Variants in MARCHF4 observed in about 807,000 individuals in gnomAD.
MARCHF4 encodes E3 ubiquitin-protein ligase MARCHF4.
In MARCHF4, 14 loss-of-function variants were observed where a neutral mutation model predicts 43.9. That is an observed-to-expected ratio of 0.32 (90% confidence interval 0.21 to 0.50). The LOEUF (loss-of-function observed/expected upper bound fraction) is 0.50, where lower values mean the gene tolerates loss of function less well. MARCHF4 is among the 20% of genes least tolerant of loss of function. The pLI is 0.98. For missense variants in MARCHF4, 468 were observed against 536.7 expected (o/e 0.87, Z 1.27); for synonymous variants, 226 against 213.3 (o/e 1.06, Z -0.52).
chr2:216,263,803 CAG>C (rs1402638474), intron 3 of MARCHF4, among the ~76,000 whole-genome samples: 1 of 152,062 alleles, frequency 6.6e-6, no homozygotes, highest in African/African-American at 2.4e-5. Context: ...AGGGAACACA[CAG>C]AGAGGAGGCT....
At chr2:216,317,944 G>T (rs1298027379) in intron 1 of MARCHF4, 1 of 152,252 alleles carries the variant, frequency 6.6e-6, no homozygotes, top group African/African-American at 2.4e-5. Context: ...AAGGTAAAGG[G>T]AGTAGGTGTG....
At chr2:216,314,655 G>A (rs1416191303) in intron 1 of MARCHF4, among the ~76,000 whole-genome samples, 2 of 152,114 alleles carry the variant, frequency 1.3e-5, no homozygotes, top group East Asian at 3.8e-4. Flanking sequence ...AGTTAAAAAG[G>A]AAAATAATAG....
intron 1 of MARCHF4, among the ~76,000 whole-genome samples, chr2:216,301,220 A>G (rs1010541091): frequency 1.3e-5 from 2 of 152,202 alleles, no homozygotes; most frequent in African/African-American, 4.8e-5. Flanking sequence ...AAAGGACTCA[A>G]ACAGGTGCAT....
chr2:216,308,903 G>A (rs769753708), intron 1 of MARCHF4, among the ~76,000 whole-genome samples: 4 of 152,028 alleles, frequency 2.6e-5, no homozygotes, highest in African/African-American at 7.2e-5. Flanking sequence ...TATTCTTTTC[G>A]AAGAAGGGTG....
chr2:216,313,036 C>T (rs1691715379), intron 1 of MARCHF4, among the ~76,000 whole-genome samples: 1 of 152,046 alleles, frequency 6.6e-6, no homozygotes, highest in Non-Finnish European at 1.5e-5. Context: ...GTCTTTAATC[C>T]ACCTTGAGTT....
intron 3 of MARCHF4, among the ~76,000 whole-genome samples, chr2:216,269,649 C>T (rs955050792): frequency 1.3e-5 from 2 of 151,978 alleles, no homozygotes; most frequent in Non-Finnish European, 2.9e-5. Context: ...TACCTGGTCC[C>T]TGATGATTAC....
At chr2:216,294,309 A>T (rs1559091919) in intron 1 of MARCHF4, among the ~76,000 whole-genome samples, 1 of 152,258 alleles carries the variant, frequency 6.6e-6, no homozygotes, top group East Asian at 1.9e-4. Context: ...CAAAACCCTC[A>T]TGGTGTTCTT....
At chr2:216,354,365 T>A (rs994876294) in intron 1 of MARCHF4, among the ~76,000 whole-genome samples, 21 of 152,208 alleles carry the variant, frequency 1.4e-4, no homozygotes, top group Non-Finnish European at 1.8e-4. Flanking sequence ...TGACTCCACC[T>A]ACTCATTCTT....
At chr2:216,296,503 C>G (rs779200072) in intron 1 of MARCHF4, among the ~76,000 whole-genome samples, 3 of 152,222 alleles carry the variant, frequency 2.0e-5, no homozygotes, top group African/African-American at 7.2e-5. Context: ...CATCTCCTCT[C>G]CTTACTTCCT....
At chr2:216,294,483 C>T (rs1691359737) in intron 1 of MARCHF4, among the ~76,000 whole-genome samples, 1 of 152,266 alleles carries the variant, frequency 6.6e-6, no homozygotes, top group Admixed American at 6.5e-5. Flanking sequence ...CTTAGAAACA[C>T]TTCTGTGTAT....
At chr2:216,345,273 A>G (rs1246660901) in intron 1 of MARCHF4, among the ~76,000 whole-genome samples, 1 of 151,952 alleles carries the variant, frequency 6.6e-6, no homozygotes, top group Non-Finnish European at 1.5e-5. Flanking sequence ...AAGGTTACAC[A>G]TCGAGCAAGG....
intron 3 of MARCHF4, among the ~76,000 whole-genome samples, chr2:216,271,871 G>A (rs774468622): frequency 6.6e-6 from 1 of 151,500 alleles, no homozygotes; most frequent in Admixed American, 6.6e-5. Flanking sequence ...ACTCACTGCA[G>A]CCTTGGCCTC....
At chr2:216,273,269 A>G (rs1262175591) in intron 3 of MARCHF4, among the ~76,000 whole-genome samples, 4 of 152,252 alleles carry the variant, frequency 2.6e-5, no homozygotes, top group African/African-American at 9.6e-5. Flanking sequence ...ATTCTTTACT[A>G]TCTGTGGCCA....
At chr2:216,318,248 G>T (rs561297308) in intron 1 of MARCHF4, 1 of 152,344 alleles carries the variant, frequency 6.6e-6, no homozygotes, top group South Asian at 2.1e-4. Context: ...CCTCTGTTGA[G>T]CAAAATGTAA....
intron 1 of MARCHF4, among the ~76,000 whole-genome samples, chr2:216,305,605 G>A (rs1472758885): frequency 6.6e-6 from 1 of 152,314 alleles, no homozygotes; most frequent in East Asian, 1.9e-4. Flanking sequence ...ACTCAAAGTA[G>A]CAGAATGGGT....
chr2:216,302,074 T>A (rs1691500167), intron 1 of MARCHF4, among the ~76,000 whole-genome samples: 1 of 152,142 alleles, frequency 6.6e-6, no homozygotes, highest in South Asian at 2.1e-4. Context: ...TTCAGGAAAC[T>A]ATTTTGTGAG....
intron 1 of MARCHF4, among the ~76,000 whole-genome samples, chr2:216,360,240 A>T (rs549667257): frequency 8.5e-4 from 130 of 152,302 alleles, no homozygotes; most frequent in African/African-American, 3.0e-3. Context: ...TTTTTGATGT[A>T]TTCATGTACC....
chr2:216,339,767 G>A (rs1692209748), intron 1 of MARCHF4, among the ~76,000 whole-genome samples: 1 of 151,976 alleles, frequency 6.6e-6, no homozygotes, highest in African/African-American at 2.4e-5. Flanking sequence ...GTTTTATTGG[G>A]GCCTCTCAAG....
At chr2:216,279,862 C>T (rs1691099890) in intron 2 of MARCHF4, among the ~76,000 whole-genome samples, 1 of 152,192 alleles carries the variant, frequency 6.6e-6, no homozygotes, top group South Asian at 2.1e-4. Flanking sequence ...ACAACAAATG[C>T]TTTTTCCAGG....
Sources: allele counts gnomAD v4.1 joint callset (sites outside exome capture counted in the v4.1 genomes callset), GRCh38; gene constraint gnomAD v4.1.1; transcripts MANE v1.5; gene names NCBI Gene and HGNC (gene_info 2026-07-23, HGNC 2026-07-21).